GET1: variants seen among roughly 807,000 people sequenced by gnomAD.
GET1 encodes guided entry of tail-anchored proteins factor 1.
A neutral mutation model predicts 22.6 loss-of-function variants in GET1; 20 were observed. The ratio of observed to expected loss-of-function variants is 0.89; its 90% CI spans 0.62 to 1.29. The LOEUF is 1.29. Among genes scored for constraint, GET1 ranks in the 50% most tolerant of loss-of-function variants. GET1 has a pLI of 0.00. For synonymous variants in GET1, 92 were observed against 83.8 expected, an observed-to-expected ratio of 1.10 and a Z score of -0.53; for missense variants, 209 against 219.9, an observed-to-expected ratio of 0.95 and a Z score of 0.31.
At chr21:39,387,881 GA>G in intron 1 of GET1, 1 of 912,502 alleles carries the variant, frequency 1.1e-6, no homozygotes, top group Non-Finnish European at 1.3e-6. Flanking sequence ...GAGGGGGGGG[GA>G]TCTGATTTAT....
rs528956325 is a variant in GET1 at position 39,416,599 on chromosome 21, A to G, written c.*23+5662A>G. ...CCTGGTTACTCTGAGAATATTGCAT[A>G]CTTTCACTTCAGATCAAAATCAGGA... On this transcript the variant is annotated intron_variant, in intron 1 of 1. Coordinates refer to the GET1 transcript ENST00000478273. Among the ~76,000 whole-genome samples the G allele has an allele frequency of 1.2e-4, 19 of 152,132 alleles. 1 individual carries two copies. The South Asian group carries it at 3.3e-3, about 27-fold the overall frequency.
chr21:39,422,997 G>A (rs959105726), intron 1 of GET1: 19 of 1,612,374 alleles, frequency 1.2e-5, no homozygotes, highest in East Asian at 2.2e-5. Context: ...TGTCATTTGC[G>A]TCCATTTTTG....
In GET1 at chr21:39,418,720, G is replaced by A. The variant is rs1035966031; in HGVS notation, c.*23+7783G>A. On this transcript the variant is annotated intron_variant, in intron 1 of 1. Transcript: ENST00000478273. Reference sequence around the variant, plus strand: ...TTGCCATGTTGGTCAGGCTGGTCTCGAACTCCCAACCTCAGGTGATCTGCC... The same window carrying A: ...TTGCCATGTTGGTCAGGCTGGTCTCAAACTCCCAACCTCAGGTGATCTGCC... 7.3e-5 allele frequency among the ~76,000 whole-genome samples: 11 copies of A among 151,702 alleles called. 1 individual carries two copies. The highest frequency in any genetic ancestry group is 4.0e-4 in the East Asian group (2 of 4,998).
chr21:39,411,649 C>T, intron 1 of GET1: 1 of 721,096 alleles, frequency 1.4e-6, no homozygotes, highest in Non-Finnish European at 2.3e-6. Flanking sequence ...ATTATTTTGT[C>T]TATATAAATT....
In GET1 at chr21:39,397,038, C is replaced by T; in HGVS notation, c.*99C>T. 1 of 1,291,740 alleles carries T rather than the reference C, an allele frequency of 7.7e-7. No individual in the cohort carries two copies. The highest frequency in any genetic ancestry group is 1.3e-5 in the South Asian group (1 of 76,504). The allele number at this position is 1,291,740 out of a possible 1,614,324, so 80.0% of individuals were successfully genotyped here. On this transcript the variant is annotated 3_prime_UTR_variant, in exon 5 of 5. Transcript: ENST00000649170. ...TTTTGTTTTTTAAGAAACAAAAGTGCATAGTTTAGATTTTTTTTTTGTTGA... is the reference window on the plus strand; with the variant it reads ...TTTTGTTTTTTAAGAAACAAAAGTGTATAGTTTAGATTTTTTTTTTGTTGA...
At chr21:39,414,732 C>G (rs1367736356) in intron 1 of GET1, among the ~76,000 whole-genome samples, 26 of 110,494 alleles carry the variant, frequency 2.4e-4, no homozygotes, top group South Asian at 1.3e-3. Context: ...CTCTCTCTCT[C>G]TCTCTCTCTC....
chr21:39,384,398 A>G (rs374219941), intron 1 of GET1, among the ~76,000 whole-genome samples: 4 of 151,894 alleles, frequency 2.6e-5, no homozygotes, highest in African/African-American at 7.2e-5. Context: ...CTGGGATTAC[A>G]TGCATGCACC....
At chr21:39,392,869 T>A in intron 3 of GET1, 2 of 287,552 alleles carry the variant, frequency 7.0e-6, no homozygotes, top group African/African-American at 2.2e-5. Flanking sequence ...GTGTAGATTG[T>A]GTTCATCCTA....
At chr21:39,421,117 T>C (rs1190941634) in intron 1 of GET1, among the ~76,000 whole-genome samples, 1 of 151,530 alleles carries the variant, frequency 6.6e-6, no homozygotes, top group Non-Finnish European at 1.5e-5. Context: ...TTTTTTTTTT[T>C]TCTAAGTTGG....
At chr21:39,401,773 T>C (rs533309490), downstream of GET1, among the ~76,000 whole-genome samples, 4 of 152,334 alleles carry the variant, frequency 2.6e-5, no homozygotes, top group Admixed American at 2.6e-4. Flanking sequence ...TTGGTAGTTC[T>C]CATAACATCT....
exon 2 of GET1, chr21:39,428,281 A>T: frequency 5.0e-6 from 8 of 1,610,762 alleles, no homozygotes; most frequent in Non-Finnish European, 6.8e-6. Flanking sequence ...AATCACAGAG[A>T]AAGTCTTCTG....
At chr21:39,403,720 C>G (rs1407938755) in intron 4 of GET1, among the ~76,000 whole-genome samples, 3 of 151,350 alleles carry the variant, frequency 2.0e-5, no homozygotes, top group African/African-American at 7.3e-5. Flanking sequence ...CTCCCAGGTT[C>G]AAGCAATTCT....
intron 1 of GET1, among the ~76,000 whole-genome samples, chr21:39,389,624 T>A (rs2038162973): frequency 6.6e-6 from 1 of 152,172 alleles, no homozygotes; most frequent in South Asian, 2.1e-4. Flanking sequence ...TTCCTTCTTG[T>A]CTTGTATGTC....
rs746559907 is a variant in GET1, at chr21:39,380,413, C to T, written c.29C>T (p.Ala10Val). MSSAAADHW[A>V]WLLVLSFVFG... ...AGCTCAGCCGCGGCCGACCACTGGG[C>T]GTGGTTGCTGGTGCTCAGCTTCGTG... is the stretch of plus-strand genomic sequence containing the variant. Residue 10 changes from alanine to valine, a missense_variant, in exon 1 of 5, where the codon GCG (alanine) becomes GTG (valine). Coordinates refer to ENST00000649170, the MANE Select transcript of GET1 (RefSeq NM_004627.6). The T allele has an allele frequency of 6.2e-7, 1 of 1,611,732 alleles. No individual in the cohort carries two copies. The highest frequency in any genetic ancestry group is 8.5e-7 in the Non-Finnish European group (1 of 1,179,008).
intron 1 of GET1, among the ~76,000 whole-genome samples, chr21:39,413,077 T>C (rs73365943): frequency 0.044 from 6,636 of 152,292 alleles, 431 homozygotes; most frequent in African/African-American, 0.14. Flanking sequence ...CAGGATTTAT[T>C]TGACCAGACT....
chr21:39,401,504 G>A (rs1476592766), downstream of GET1, among the ~76,000 whole-genome samples: 1 of 152,182 alleles, frequency 6.6e-6, no homozygotes, highest in Admixed American at 6.5e-5. Context: ...ACTGAGTAAA[G>A]GTAACACCAC....
chr21:39,406,862 A>G (rs1439911236), downstream of GET1: 4 of 402,288 alleles, frequency 9.9e-6, no homozygotes, highest in Non-Finnish European at 1.8e-5. Flanking sequence ...ACATTCATAG[A>G]AGAAGAAATA....
intron 1 of GET1, 70 bp from the exon 2 acceptor site, chr21:39,390,628 A>G: frequency 1.3e-6 from 2 of 1,573,696 alleles, no homozygotes; most frequent in Admixed American, 3.6e-5. Flanking sequence ...GACAGAAAGT[A>G]GCGGGGGACT....
intron 1 of GET1, among the ~76,000 whole-genome samples, chr21:39,382,745 T>A (rs1267945468): frequency 1.3e-5 from 2 of 152,234 alleles, no homozygotes; most frequent in Non-Finnish European, 2.9e-5. Flanking sequence ...GAGTCTCTGC[T>A]TTCAGTTTTT....
Sources: allele counts gnomAD v4.1 joint callset (sites outside exome capture counted in the v4.1 genomes callset), GRCh38; gene constraint gnomAD v4.1.1; transcripts MANE v1.5; gene names NCBI Gene and HGNC (gene_info 2026-07-23, HGNC 2026-07-21).